UNCX: variants seen among roughly 807,000 people sequenced by gnomAD.
The protein encoded by UNCX is homeobox protein unc-4 homolog.
In UNCX, 4 loss-of-function variants were observed where a neutral mutation model predicts 14.8. The ratio of observed to expected loss-of-function variants is 0.27; its 90% CI spans 0.13 to 0.62. The LOEUF (loss-of-function observed/expected upper bound fraction) is 0.62. Ranked by LOEUF, UNCX falls within the 20% of genes least tolerant of loss-of-function variation. The probability of loss-of-function intolerance (pLI) is 0.86; values close to 1 mark genes in which losing one functional copy is unlikely to be tolerated. For missense variants in UNCX, 749 were observed against 786.8 expected (o/e 0.95, Z 0.58); for synonymous variants, 459 against 395.8 (o/e 1.16, Z -1.90).
Position 1,235,740 on chromosome 7 carries a change from A to G in UNCX, c.451-92A>G, listed in dbSNP as rs931882860. ...TGCCCCGGCCGAGCGGAGGTTGTGC[A>G]GGCCCCTCTGGGGGGAGCGGGGAGG... On this transcript the variant is annotated intron_variant, in intron 2 of 2. Coordinates refer to ENST00000316333, the MANE Select transcript of UNCX (RefSeq NM_001080461.3). 1.0e-4 allele frequency: 120 copies of G among 1,183,104 alleles called. 1 individual carries two copies. The East Asian group carries it at 2.9e-3, about 28-fold the overall frequency. 73.3% of individuals were successfully genotyped at this position (1,183,104 alleles called of 1,614,324 possible). A position where few individuals can be genotyped will look rare whatever the true frequency, so the allele number is the denominator to read the frequency against.
At position 1,233,010 on chromosome 7, in the gene UNCX, C is replaced by A. The variant is rs1251384114; in HGVS notation, c.-8C>A. On this transcript the variant is annotated 5_prime_UTR_variant, in exon 1 of 3. Coordinates refer to ENST00000316333, the MANE Select transcript of UNCX (RefSeq NM_001080461.3). This position sits in a 1 kb window ranked among gnomAD's most constrained non-coding sequence, Gnocchi z 5.3. Reference sequence around the variant, plus strand: ...CCCGCCACCGGCCCCGCCGGCCCCCCGCGCGAGATGATGGACGGCCGCCTC... The same window carrying A: ...CCCGCCACCGGCCCCGCCGGCCCCCAGCGCGAGATGATGGACGGCCGCCTC... 5 of 1,217,690 alleles carry A rather than the reference C, an allele frequency of 4.1e-6. No homozygotes were observed. The highest frequency in any genetic ancestry group is 1.6e-5 in the African/African-American group (1 of 63,036). The allele number at this position is 1,217,690 out of a possible 1,614,324, so 75.4% of individuals were successfully genotyped here.
Position 1,232,972 on chromosome 7 carries a change from C to T in UNCX, c.-46C>T, listed in dbSNP as rs1406775769. On this transcript the variant is annotated 5_prime_UTR_variant, in exon 1 of 3. Transcript: ENST00000316333. The stretch of plus-strand genomic sequence containing the variant: ...CCGCTGGCCCGCCCCGGCCCCGGCC[C>T]GCGCCCCCGCGCCCCGCCACCGGCC... The T allele has an allele frequency of 4.0e-6, 4 of 1,012,500 alleles. No individual in the cohort carries two copies. Among genetic ancestry groups the T allele is most frequent in the Non-Finnish European group, 3.6e-6 (3 of 840,254 alleles). The allele number at this position is 1,012,500 out of a possible 1,614,324, so 62.7% of individuals were successfully genotyped here. A position where few individuals can be genotyped will look rare whatever the true frequency, so the allele number is the denominator to read the frequency against.
rs1277666487 is a variant in UNCX at position 1,236,738 on chromosome 7, C to G, written c.1357C>G (p.Pro453Ala). ...SPDAVASPGAPAPAPAPFRDL... is the reference protein window; with the variant it reads ...SPDAVASPGAAAPAPAPFRDL... ...CGACGCCGTCGCCTCCCCGGGGGCC[C>G]CAGCCCCGGCCCCGGCGCCTTTCCG... Residue 453 changes from proline (P) to alanine (A), a missense_variant, in exon 3 of 3, where the codon CCA becomes GCA. By Grantham distance (27) the Pro-to-Ala change is conservative. Around this residue, in one of 3 missense-constraint regions of UNCX, gnomAD observed 552 missense variants for 507.2 expected, o/e 1.09. Coordinates refer to ENST00000316333, the MANE Select transcript of UNCX (RefSeq NM_001080461.3). This position sits in a 1 kb window ranked among gnomAD's most constrained non-coding sequence, Gnocchi z 6.9. The G allele has an allele frequency of 1.0e-6, 1 of 990,430 alleles. No individual in the cohort carries two copies. Among genetic ancestry groups the G allele is most frequent in the Non-Finnish European group, 1.2e-6 (1 of 834,930 alleles). 61.4% of individuals were successfully genotyped at this position (990,430 alleles called of 1,614,324 possible). A position where few individuals can be genotyped will look rare whatever the true frequency, so the allele number is the denominator to read the frequency against.
At chr7:1,235,198 C>T (rs528762534) in intron 2 of UNCX, among the ~76,000 whole-genome samples, 2 of 152,230 alleles carry the variant, frequency 1.3e-5, no homozygotes, top group Admixed American at 6.5e-5. Flanking sequence ...GCGCCCTGGC[C>T]CAGGGTTTGC....
At position 1,236,317 on chromosome 7, in the gene UNCX, A is replaced by G. The variant is rs1271064573; in HGVS notation, c.936A>G (p.Pro312=). The stretch of plus-strand genomic sequence containing the variant: ...ACAAGGACGCGGCCTCGTGCGGGCC[A>G]GGGGCCGCTGTGGCGGCGGTGGAGC... ...PADKDAASCG[P]GAAVAAVERG... is the part of the protein sequence containing the mutation. The change falls in exon 3 of 3, where the codon CCA becomes CCG. Residue 312 remains proline (P), a synonymous_variant. Coordinates refer to ENST00000316333, the MANE Select transcript of UNCX (RefSeq NM_001080461.3). This position sits in a 1 kb window ranked among gnomAD's most constrained non-coding sequence, Gnocchi z 6.9. The G allele has an allele frequency of 2.0e-5, 26 of 1,307,520 alleles. No individual in the cohort carries two copies. The highest frequency in any genetic ancestry group is 2.5e-5 in the Non-Finnish European group (26 of 1,028,296). The allele number at this position is 1,307,520 out of a possible 1,614,324, so 81.0% of individuals were successfully genotyped here.
Position 1,236,938 on chromosome 7 carries a change from A to T in UNCX, c.1557A>T (p.Gly519=). ...TTCCCGAGCCTGGCGCGGCGGCCGG[A>T]CCCAGCCCGCCGGAGGGCGAGGAGC... ...CGVPEPGAAA[G]PSPPEGEELD... The change falls in exon 3 of 3, where the codon GGA becomes GGT. Residue 519 remains glycine (G), a synonymous_variant. Coordinates refer to ENST00000316333, the MANE Select transcript of UNCX (RefSeq NM_001080461.3). This position sits in a 1 kb window ranked among gnomAD's most constrained non-coding sequence, Gnocchi z 6.9. 1 of 1,194,410 alleles carries T rather than the reference A, an allele frequency of 8.4e-7. No individual in the cohort carries two copies. The highest frequency in any genetic ancestry group is 1.0e-6 in the Non-Finnish European group (1 of 963,886). The allele number at this position is 1,194,410 out of a possible 1,614,324, so 74.0% of individuals were successfully genotyped here.
At chr7:1,235,590 A>G (rs1211032862) in intron 2 of UNCX, among the ~76,000 whole-genome samples, 2 of 152,264 alleles carry the variant, frequency 1.3e-5, no homozygotes, top group African/African-American at 2.4e-5. Flanking sequence ...GTGAGAAGCC[A>G]GAGCGGGAAG....
Position 1,236,395 on chromosome 7 carries a change from G to A in UNCX, c.1014G>A (p.Leu338=). Residue 338 remains leucine (L), a synonymous_variant, in exon 3 of 3, where the codon CTG becomes CTA. Coordinates refer to ENST00000316333, the MANE Select transcript of UNCX (RefSeq NM_001080461.3). The surrounding 1 kb of genome is among the most constrained non-coding windows in gnomAD (Gnocchi z 6.9). ...KASPFSVESL[L]SDSPPRRKAA... ...GCCCATTCAGCGTGGAGAGCCTCCT[G>A]TCCGACTCGCCGCCGCGCCGGAAAG... 1 of 1,372,274 alleles carries A rather than the reference G, an allele frequency of 7.3e-7. No individual in the cohort carries two copies. Among genetic ancestry groups the A allele is most frequent in the Non-Finnish European group, 9.4e-7 (1 of 1,060,394 alleles). The allele number at this position is 1,372,274 out of a possible 1,614,324, so 85.0% of individuals were successfully genotyped here. A position where few individuals can be genotyped will look rare whatever the true frequency, so the allele number is the denominator to read the frequency against.
In UNCX at chr7:1,233,526, G is replaced by C; in HGVS notation, c.281G>C (p.Gly94Ala). The C allele has an allele frequency of 6.2e-7, 1 of 1,611,352 alleles. No individual in the cohort carries two copies. The highest frequency in any genetic ancestry group is 1.3e-5 in the African/African-American group (1 of 74,964). Reference sequence around the variant, plus strand: ...GTCCTGTGACTGCCCGCAGACTCGGGGGACCCGGACAAGGAGAGCCCGGGC... The same window carrying C: ...GTCCTGTGACTGCCCGCAGACTCGGCGGACCCGGACAAGGAGAGCCCGGGC... Reference protein sequence around the residue: ...DGQPFKLSDSGDPDKESPGCK... With the variant: ...DGQPFKLSDSADPDKESPGCK... The change falls in exon 2 of 3, where the codon GGG (glycine) becomes GCG (alanine). Residue 94 changes from glycine to alanine, a missense_variant. Around this residue, in one of 3 missense-constraint regions of UNCX, gnomAD observed 155 missense variants for 166.7 expected, o/e 0.93. Transcript: ENST00000316333. This position sits in a 1 kb window ranked among gnomAD's most constrained non-coding sequence, Gnocchi z 5.3.
In UNCX at chr7:1,236,215, C is replaced by T. The variant is rs1429243882; in HGVS notation, c.834C>T (p.Pro278=). The change falls in exon 3 of 3, where the codon CCC becomes CCT. Residue 278 remains proline, a synonymous_variant. Coordinates refer to ENST00000316333, the MANE Select transcript of UNCX (RefSeq NM_001080461.3). The surrounding 1 kb of genome is among the most constrained non-coding windows in gnomAD (Gnocchi z 6.9). ...CCCCTCCCGGCGAGCCGCCTGCACCCGGCACCTGCGACCCCGCCTTCTACC... is the reference window on the plus strand; with the variant it reads ...CCCCTCCCGGCGAGCCGCCTGCACCTGGCACCTGCGACCCCGCCTTCTACC... ...APAPPGEPPA[P]GTCDPAFYPS... 2.2e-6 allele frequency: 3 copies of T among 1,344,302 alleles called. No homozygotes were observed. The highest frequency in any genetic ancestry group is 2.9e-6 in the Non-Finnish European group (3 of 1,037,338). 83.3% of individuals were successfully genotyped at this position (1,344,302 alleles called of 1,614,324 possible).
chr7:1,233,261 G>C lies in UNCX; in HGVS notation c.244G>C (p.Gly82Arg), dbSNP rs1263947149. The C allele has an allele frequency of 4.5e-6, 6 of 1,348,194 alleles. No individual in the cohort carries two copies. Among genetic ancestry groups the C allele is most frequent in the African/African-American group, 1.5e-5 (1 of 65,148 alleles). The allele number at this position is 1,348,194 out of a possible 1,614,324, so 83.5% of individuals were successfully genotyped here. A position where few individuals can be genotyped will look rare whatever the true frequency, so the allele number is the denominator to read the frequency against. Residue 82 changes from glycine to arginine, a missense_variant, in exon 1 of 3, where the codon GGC (glycine) becomes CGC (arginine). Gly to Arg is a moderately radical substitution (Grantham distance 125). Around this residue, in one of 3 missense-constraint regions of UNCX, gnomAD observed 155 missense variants for 166.7 expected, o/e 0.93. Coordinates refer to ENST00000316333, the MANE Select transcript of UNCX (RefSeq NM_001080461.3). The surrounding 1 kb of genome is among the most constrained non-coding windows in gnomAD (Gnocchi z 5.3). ...GCTGCTGCCAGCCGCCTGCGGGGTC[G>C]GCGGGGACGGCCAGCCCTTCAAGCT... Reference protein sequence around the residue: ...TPLLPAACGVGGDGQPFKLSD... With the variant: ...TPLLPAACGVRGDGQPFKLSD...
rs1466466663 is a variant in UNCX, at chr7:1,233,730, C to T, written c.450+35C>T. 6.4e-7 allele frequency: 1 copy of T among 1,571,356 alleles called. No homozygotes were observed. On this transcript the variant is annotated intron_variant, in intron 2 of 2. Coordinates refer to ENST00000316333, the MANE Select transcript of UNCX (RefSeq NM_001080461.3). This position sits in a 1 kb window ranked among gnomAD's most constrained non-coding sequence, Gnocchi z 5.3. ...CGGCGTCGCTCCCGGATCTGCCATC[C>T]GGACCCCAGGCTCTGGGCGCGCCGG...
rs1778679500 is a variant in UNCX, at chr7:1,233,300, G to C, written c.274+9G>C. On this transcript the variant is annotated intron_variant, in intron 1 of 2. Coordinates refer to ENST00000316333, the MANE Select transcript of UNCX (RefSeq NM_001080461.3). The surrounding 1 kb of genome is among the most constrained non-coding windows in gnomAD (Gnocchi z 5.3). ...GCCCTTCAAGCTGTCAGGTAGGCGC[G>C]GCGGGCGGGAGGGCGGGGAGGAGTG... 1 of 1,318,404 alleles carries C rather than the reference G, an allele frequency of 7.6e-7. No homozygotes were observed. The highest frequency in any genetic ancestry group is 3.2e-5 in the East Asian group (1 of 31,374). 81.7% of individuals were successfully genotyped at this position (1,318,404 alleles called of 1,614,324 possible).
chr7:1,236,717 G>A lies in UNCX; in HGVS notation c.1336G>A (p.Ala446Thr), dbSNP rs1176495146. Residue 446 changes from alanine (A) to threonine (T), a missense_variant, in exon 3 of 3, where the codon GCC becomes ACC. Coordinates refer to ENST00000316333, the MANE Select transcript of UNCX (RefSeq NM_001080461.3). This position sits in a 1 kb window ranked among gnomAD's most constrained non-coding sequence, Gnocchi z 6.9. ...GGCCTTCGCGCGTCGCAGCCCCGACGCCGTCGCCTCCCCGGGGGCCCCAGC... is the reference window on the plus strand; with the variant it reads ...GGCCTTCGCGCGTCGCAGCCCCGACACCGTCGCCTCCCCGGGGGCCCCAGC... ...DSAFARRSPD[A>T]VASPGAPAPA... 2 of 995,238 alleles carry A rather than the reference G, an allele frequency of 2.0e-6. No individual in the cohort carries two copies. Among genetic ancestry groups the A allele is most frequent in the Admixed American group, 6.1e-5 (1 of 16,340 alleles). 61.7% of individuals were successfully genotyped at this position (995,238 alleles called of 1,614,324 possible).
In UNCX at chr7:1,236,106, T is replaced by A. The variant is rs1212716860; in HGVS notation, c.725T>A (p.Leu242Gln). 1.3e-6 allele frequency: 2 copies of A among 1,506,500 alleles called. No homozygotes were observed. Among genetic ancestry groups the A allele is most frequent in the Non-Finnish European group, 1.8e-6 (2 of 1,124,986 alleles). The allele number at this position is 1,506,500 out of a possible 1,614,324, so 93.3% of individuals were successfully genotyped here. A position where few individuals can be genotyped will look rare whatever the true frequency, so the allele number is the denominator to read the frequency against. ...SSDSDSGGGG[L>Q]SPEPPEPPPP... is the part of the protein sequence containing the mutation. ...GACAGCGACAGCGGCGGCGGCGGCC[T>A]GTCTCCGGAGCCGCCCGAGCCGCCG... The change falls in exon 3 of 3, where the codon CTG (leucine) becomes CAG (glutamine). Residue 242 changes from leucine to glutamine, a missense_variant. By Grantham distance (113) the Leu-to-Gln change is moderately radical (BLOSUM62 -2). Coordinates refer to ENST00000316333, the MANE Select transcript of UNCX (RefSeq NM_001080461.3). The surrounding 1 kb of genome is among the most constrained non-coding windows in gnomAD (Gnocchi z 6.9).
rs1265302657 is a variant in UNCX, at chr7:1,233,191, C to T, written c.174C>T (p.Leu58=). The change falls in exon 1 of 3, where the codon CTC becomes CTT. Residue 58 remains leucine (L), a synonymous_variant. Coordinates refer to ENST00000316333, the MANE Select transcript of UNCX (RefSeq NM_001080461.3). The surrounding 1 kb of genome is among the most constrained non-coding windows in gnomAD (Gnocchi z 5.3). ...ASVPFSIDGL[L]GGSCAAAASV... ...TGCCCTTCTCCATCGACGGCCTGCT[C>T]GGGGGCTCGTGCGCCGCCGCCGCCT... 6.9e-7 allele frequency: 1 copy of T among 1,451,112 alleles called. No homozygotes were observed. Among genetic ancestry groups the T allele is most frequent in the Admixed American group, 2.5e-5 (1 of 40,230 alleles). The allele number at this position is 1,451,112 out of a possible 1,614,324, so 89.9% of individuals were successfully genotyped here. A position where few individuals can be genotyped will look rare whatever the true frequency, so the allele number is the denominator to read the frequency against.
chr7:1,236,344 C>A lies in UNCX; in HGVS notation c.963C>A (p.Arg321=), dbSNP rs1254159770. The change falls in exon 3 of 3, where the codon CGC becomes CGA. Residue 321 remains arginine (R), a synonymous_variant. Transcript: ENST00000316333. This position sits in a 1 kb window ranked among gnomAD's most constrained non-coding sequence, Gnocchi z 6.9. ...GPGAAVAAVE[R]GAAGLPKASP... The stretch of plus-strand genomic sequence containing the variant: ...GGGCCGCTGTGGCGGCGGTGGAGCG[C>A]GGCGCCGCGGGGCTGCCCAAGGCCA... 1.0e-5 allele frequency: 13 copies of A among 1,297,320 alleles called. No homozygotes were observed. Among genetic ancestry groups the A allele is most frequent in the Non-Finnish European group, 1.3e-5 (13 of 1,022,632 alleles). 80.4% of individuals were successfully genotyped at this position (1,297,320 alleles called of 1,614,324 possible).
intron 2 of UNCX, among the ~76,000 whole-genome samples, 198 bp from the exon 3 acceptor site, chr7:1,235,634 G>A (rs1199641984): frequency 6.6e-6 from 1 of 152,252 alleles, no homozygotes; most frequent in Non-Finnish European, 1.5e-5. Context: ...CGCCTTCCGG[G>A]TGGAAAAGGC....
rs1381323117 is a variant in UNCX at position 1,233,036 on chromosome 7, C to G, written c.19C>G (p.Leu7Val). The change falls in exon 1 of 3, where the codon CTG becomes GTG. Residue 7 changes from leucine to valine, a missense_variant. This residue lies in a region of UNCX where 155 missense variants were observed against 166.7 expected (regional missense o/e 0.93). Transcript: ENST00000316333. This position sits in a 1 kb window ranked among gnomAD's most constrained non-coding sequence, Gnocchi z 5.3. MMDGRL[L>V]EHPHAQFGGS... ...GCGCGAGATGATGGACGGCCGCCTC[C>G]TGGAACACCCGCATGCCCAGTTCGG... 1.5e-6 allele frequency: 2 copies of G among 1,319,752 alleles called. No homozygotes were observed. The highest frequency in any genetic ancestry group is 6.6e-5 in the Admixed American group (2 of 30,234). 81.8% of individuals were successfully genotyped at this position (1,319,752 alleles called of 1,614,324 possible). A position where few individuals can be genotyped will look rare whatever the true frequency, so the allele number is the denominator to read the frequency against.
Sources: allele counts gnomAD v4.1 joint callset (sites outside exome capture counted in the v4.1 genomes callset), GRCh38; gene constraint gnomAD v4.1.1; regional missense constraint gnomAD v4.1.1; non-coding constraint Gnocchi (gnomAD v3.1); transcripts MANE v1.5; gene names NCBI Gene and HGNC (gene_info 2026-07-23, HGNC 2026-07-21).